Variants in LPCAT4 observed in about 807,000 individuals in gnomAD.
LPCAT4 encodes the protein lysophospholipid acyltransferase LPCAT4.
A neutral mutation model predicts 66.5 loss-of-function variants in LPCAT4; 30 were observed. That is an observed-to-expected ratio of 0.45 (90% CI 0.34 to 0.61). The LOEUF (loss-of-function observed/expected upper bound fraction) is 0.61. Among genes scored for constraint, LPCAT4 ranks in the 20% least tolerant of loss-of-function variants. The pLI is 0.01. For synonymous variants in LPCAT4, 253 were observed against 262.1 expected, an observed-to-expected ratio of 0.97 and a Z score of 0.34; for missense variants, 557 against 656.7, an observed-to-expected ratio of 0.85 and a Z score of 1.66.
At chr15:34,361,808 T>C (rs552215858) in intron 10 of LPCAT4, among the ~76,000 whole-genome samples, 10 of 152,316 alleles carry the variant, frequency 6.6e-5, no homozygotes, top group African/African-American at 2.2e-4. Context: ...CAAGCAATTC[T>C]CCTGCCTCAG....
In LPCAT4 at chr15:34,365,081, G is replaced by A; in HGVS notation, c.405C>T (p.Pro135=). The A allele has an allele frequency of 1.9e-6, 3 of 1,614,240 alleles. No individual in the cohort carries two copies. The highest frequency in any genetic ancestry group is 2.5e-6 in the Non-Finnish European group (3 of 1,180,052). Residue 135 remains proline (P), a synonymous_variant, in exon 3 of 14, where the codon CCC becomes CCT. Transcript: ENST00000314891. The stretch of plus-strand genomic sequence containing the variant: ...GCAGGTCACAGGGCAGCAGAACAAT[G>A]GGGTCAAAGAAAGTGGAGTGTGGGG... ...VAAPHSTFFD[P]IVLLPCDLPK...
chr15:34,361,621 C>T (rs1890944522), intron 10 of LPCAT4, 89 bp from the exon 11 acceptor site: 2 of 1,525,812 alleles, frequency 1.3e-6, no homozygotes, highest in Non-Finnish European at 1.8e-6. Flanking sequence ...ACCAAGAGTT[C>T]TATCAGTACA....
rs2140170419 is a variant in LPCAT4, at chr15:34,365,294, G to T, written c.258-66C>A. On this transcript the variant is annotated intron_variant, in intron 2 of 13. Coordinates refer to ENST00000314891, the MANE Select transcript of LPCAT4 (RefSeq NM_153613.3). ...TAACCCTCACCCGCCCCCAGGTTCA[G>T]ACACCGGGAAAGTAGGGCACCCCTC... is the stretch of plus-strand genomic sequence containing the variant. 4.0e-6 allele frequency: 6 copies of T among 1,494,668 alleles called. No individual in the cohort carries two copies. In the East Asian group the frequency reaches 1.4e-4, roughly 36 times the overall value. 92.6% of individuals were successfully genotyped at this position (1,494,668 alleles called of 1,614,324 possible). A position where few individuals can be genotyped will look rare whatever the true frequency, so the allele number is the denominator to read the frequency against.
At position 34,363,836 on chromosome 15, in the gene LPCAT4, A is replaced by G; in HGVS notation, c.653-117T>C. On this transcript the variant is annotated intron_variant, in intron 5 of 13. Transcript: ENST00000314891. The surrounding 1 kb of genome is among the most constrained non-coding windows in gnomAD (Gnocchi z 4.3). ...CTCAAATGAGATATGGTTTTGTTCCACTCATTGATAATTTTCTCTCTGACT... is the reference window on the plus strand; with the variant it reads ...CTCAAATGAGATATGGTTTTGTTCCGCTCATTGATAATTTTCTCTCTGACT... 1 of 1,378,224 alleles carries G rather than the reference A, an allele frequency of 7.3e-7. No homozygotes were observed. Among genetic ancestry groups the G allele is most frequent in the Non-Finnish European group, 1.0e-6 (1 of 973,292 alleles). 85.4% of individuals were successfully genotyped at this position (1,378,224 alleles called of 1,614,324 possible). A position where few individuals can be genotyped will look rare whatever the true frequency, so the allele number is the denominator to read the frequency against.
rs1891010689 is a variant in LPCAT4 at position 34,364,029 on chromosome 15, C to G, written c.636G>C (p.Leu212Phe). ...TTTATTCACCTGGTTTGAACTTAAG[C>G]AAAGCCTTCTTGTTGGAACAGGTGC... ...PEGTCSNKKA[L>F]LKFKPGAFIA... The change falls in exon 5 of 14, where the codon TTG becomes TTC. Residue 212 changes from leucine to phenylalanine, a missense_variant. Leu to Phe is a conservative substitution (Grantham distance 22). Transcript: ENST00000314891. 1 of 1,612,918 alleles carries G rather than the reference C, an allele frequency of 6.2e-7. No homozygotes were observed. Among genetic ancestry groups the G allele is most frequent in the Admixed American group, 1.7e-5 (1 of 59,982 alleles).
intron 2 of LPCAT4, 71 bp from the exon 3 acceptor site, chr15:34,365,299 C>A: frequency 1.4e-6 from 2 of 1,472,930 alleles, no homozygotes; most frequent in South Asian, 1.2e-5. Flanking sequence ...GTTCAGACAC[C>A]GGGAAAGTAG....
At position 34,363,891 on chromosome 15, in the gene LPCAT4, T is replaced by C; in HGVS notation, c.652+122A>G. 4 of 1,287,394 alleles carry C rather than the reference T, an allele frequency of 3.1e-6. No homozygotes were observed. The highest frequency in any genetic ancestry group is 4.5e-6 in the Non-Finnish European group (4 of 897,486). 79.7% of individuals were successfully genotyped at this position (1,287,394 alleles called of 1,614,324 possible). Reference sequence around the variant, plus strand: ...GACTTGACAGCATTAGCTAGGAGGTTCCTGGTCTCCCTTCCTCTCCCATCC... The same window carrying C: ...GACTTGACAGCATTAGCTAGGAGGTCCCTGGTCTCCCTTCCTCTCCCATCC... On this transcript the variant is annotated intron_variant, in intron 5 of 13. Coordinates refer to ENST00000314891, the MANE Select transcript of LPCAT4 (RefSeq NM_153613.3). The surrounding 1 kb of genome is among the most constrained non-coding windows in gnomAD (Gnocchi z 4.3).
At chr15:34,360,236 T>C in intron 11 of LPCAT4, 27 bp from the exon 12 acceptor site, 1 of 1,583,306 alleles carries the variant, frequency 6.3e-7, no homozygotes, top group South Asian at 1.1e-5. Context: ...ACCAGGGCAA[T>C]GCGGGGACCC....
At chr15:34,364,734 G>A (rs377313027) in intron 3 of LPCAT4, 65 of 397,478 alleles carry the variant, frequency 1.6e-4, no homozygotes, top group African/African-American at 1.1e-3. Flanking sequence ...GATTATAGGC[G>A]CGAGCCACCG....
At chr15:34,365,837 A>C in intron 1 of LPCAT4, 136 bp from the exon 2 acceptor site, 1 of 1,063,362 alleles carries the variant, frequency 9.4e-7, no homozygotes, top group African/African-American at 1.6e-5. Context: ...GGAACAGGAG[A>C]GGGGACTGGG....
chr15:34,366,918 G>A lies in LPCAT4; in HGVS notation c.114+69C>T, dbSNP rs1479338708. 3.9e-6 allele frequency: 6 copies of A among 1,528,144 alleles called. No individual in the cohort carries two copies. The African/African-American group carries it at 8.3e-5, about 21-fold the overall frequency. 94.7% of individuals were successfully genotyped at this position (1,528,144 alleles called of 1,614,324 possible). On this transcript the variant is annotated intron_variant, in intron 1 of 13. Coordinates refer to ENST00000314891, the MANE Select transcript of LPCAT4 (RefSeq NM_153613.3). ...CTCGTGGATCCCCAAGCCCACCTTT[G>A]CCAGGGCTCAAATGGCCCCATTTTC... is the stretch of plus-strand genomic sequence containing the variant.
In LPCAT4 at chr15:34,360,241, G is replaced by A. The variant is rs745507292; in HGVS notation, c.1144-32C>T. 2.6e-6 allele frequency: 4 copies of A among 1,563,040 alleles called. No individual in the cohort carries two copies. In the East Asian group the frequency reaches 9.0e-5, roughly 35 times the overall value. On this transcript the variant is annotated intron_variant, in intron 11 of 13. Coordinates refer to ENST00000314891, the MANE Select transcript of LPCAT4 (RefSeq NM_153613.3). ...TGAAAAAGAAACCAGGGCAATGCGG[G>A]GACCCTGCGCCTCCCTTCCTGCTCT...
chr15:34,364,696 C>T (rs1382176544), intron 3 of LPCAT4: 8 of 312,628 alleles, frequency 2.6e-5, no homozygotes, highest in Admixed American at 4.6e-5. Flanking sequence ...TCAGGTGATC[C>T]GCCCGCCTTG....
rs750743816 is a variant in LPCAT4 at position 34,365,644 on chromosome 15, G to C, written c.172C>G (p.Leu58Val). 1 of 1,614,196 alleles carries C rather than the reference G, an allele frequency of 6.2e-7. No individual in the cohort carries two copies. The highest frequency in any genetic ancestry group is 8.5e-7 in the Non-Finnish European group (1 of 1,180,034). ...CAGGCAAAGGGCCAGAGGAGAAAGA[G>C]GACGATAAAGGCCAGAAGCACTCGG... ...PIRVLLAFIV[L>V]FLLWPFAWLQ... The change falls in exon 2 of 14, where the codon CTC becomes GTC. Residue 58 changes from leucine (L) to valine (V), a missense_variant. By Grantham distance (32) the Leu-to-Val change is conservative. This residue lies in a region of LPCAT4 where 94 missense variants were observed against 71.5 expected (regional missense o/e 1.32). Transcript: ENST00000314891.
Position 34,365,204 on chromosome 15 carries a change from T to A in LPCAT4, c.282A>T (p.Leu94=), listed in dbSNP as rs1676115941. Residue 94 remains leucine (L), a synonymous_variant, in exon 3 of 14, where the codon CTA becomes CTT. Coordinates refer to ENST00000314891, the MANE Select transcript of LPCAT4 (RefSeq NM_153613.3). The part of the protein sequence containing the change: ...WRKTVCHNGV[L]GLSRLLFFLL... Reference sequence around the variant, plus strand: ...GGAAAAACAGCAGGCGGCTCAGGCCTAGCACCCCGTTGTGGCACACAGTCC... The same window carrying A: ...GGAAAAACAGCAGGCGGCTCAGGCCAAGCACCCCGTTGTGGCACACAGTCC... 2 of 1,610,676 alleles carry A rather than the reference T, an allele frequency of 1.2e-6. No individual in the cohort carries two copies. Among genetic ancestry groups the A allele is most frequent in the Non-Finnish European group, 8.5e-7 (1 of 1,178,716 alleles).
chr15:34,359,602 T>A lies in LPCAT4; in HGVS notation c.1386A>T (p.Gln462His), dbSNP rs1380770555. The change falls in exon 13 of 14, where the codon CAA becomes CAT. Residue 462 changes from glutamine (Q) to histidine (H), a missense_variant. By Grantham distance (24) the Gln-to-His change is conservative. Transcript: ENST00000314891. ...HAELCQAGSSQGLSLCQFQNF... is the reference protein window; with the variant it reads ...HAELCQAGSSHGLSLCQFQNF... ...GCAGTGACTCACAGAGGGAGAGGCC[T>A]TGGCTGGATCCTGCCTGGCACAGCT... 1.9e-6 allele frequency: 3 copies of A among 1,612,488 alleles called. No homozygotes were observed. The highest frequency in any genetic ancestry group is 2.5e-6 in the Non-Finnish European group (3 of 1,179,918).
At chr15:34,360,052 T>C in intron 12 of LPCAT4, 59 bp downstream of exon 12, 1 of 1,395,402 alleles carries the variant, frequency 7.2e-7, no homozygotes, top group Non-Finnish European at 1.0e-6. Flanking sequence ...AAAATAGGCC[T>C]CCTGGAGCGG....
At chr15:34,365,343 C>G (rs1595622588) in intron 2 of LPCAT4, 115 bp from the exon 3 acceptor site, 3 of 1,227,226 alleles carry the variant, frequency 2.4e-6, no homozygotes, top group East Asian at 2.5e-5. Context: ...TAGGATGTGA[C>G]CAAGGGGCCA....
At position 34,365,157 on chromosome 15, in the gene LPCAT4, C is replaced by T. The variant is rs746089700; in HGVS notation, c.329G>A (p.Arg110His). 5.6e-6 allele frequency: 9 copies of T among 1,614,016 alleles called. No homozygotes were observed. Among genetic ancestry groups the T allele is most frequent in the Admixed American group, 1.7e-5 (1 of 60,000 alleles). The change falls in exon 3 of 14, where the codon CGC becomes CAC. Residue 110 changes from arginine to histidine, a missense_variant. By Grantham distance (29) the Arg-to-His change is conservative (BLOSUM62 0). This residue lies in a region of LPCAT4 where 65 missense variants were observed against 83.5 expected (regional missense o/e 0.78). Coordinates refer to ENST00000314891, the MANE Select transcript of LPCAT4 (RefSeq NM_153613.3). ...LFFLLGFLRI[R>H]VRGQRASRLQ... is the part of the protein sequence containing the mutation. ...GCGAGAGGCTCGCTGGCCACGAACGCGAATCCGGAGGAAGCCCAGCAGGAA... is the reference window on the plus strand; with the variant it reads ...GCGAGAGGCTCGCTGGCCACGAACGTGAATCCGGAGGAAGCCCAGCAGGAA...
Sources: allele counts gnomAD v4.1 joint callset (sites outside exome capture counted in the v4.1 genomes callset), GRCh38; gene constraint gnomAD v4.1.1; regional missense constraint gnomAD v4.1.1; non-coding constraint Gnocchi (gnomAD v3.1); transcripts MANE v1.5; gene names NCBI Gene and HGNC (gene_info 2026-07-23, HGNC 2026-07-21).